Variants in DIS3L2 observed in about 807,000 individuals in gnomAD.
DIS3L2 encodes the protein DIS3 like 3'-5' exoribonuclease 2, also known as DIS3-like exonuclease 2.
Under a neutral mutation model 97.5 loss-of-function variants are expected in DIS3L2, and 34 were observed. The ratio of observed to expected loss-of-function variants is 0.35; its 90% CI spans 0.27 to 0.46. DIS3L2 has a LOEUF of 0.46. Among genes scored for constraint, DIS3L2 ranks in the 20% least tolerant of loss-of-function variants. DIS3L2 has a pLI of 1.00. For synonymous variants in DIS3L2, 435 were observed against 445.2 expected, an observed-to-expected ratio of 0.98 and a Z score of 0.29; for missense variants, 1,038 against 1,146.0, an observed-to-expected ratio of 0.91 and a Z score of 1.36.
At chr2:232,156,051 C>G (rs116600771) in intron 8 of DIS3L2, among the ~76,000 whole-genome samples, 7,461 of 151,982 alleles carry the variant, frequency 0.049, 612 homozygotes, top group African/African-American at 0.17. Flanking sequence ...TTCCTCATCT[C>G]TAGCTCTGTA....
At chr2:232,073,797 C>T (rs1330879130) in intron 5 of DIS3L2, among the ~76,000 whole-genome samples, 2 of 152,142 alleles carry the variant, frequency 1.3e-5, no homozygotes, top group Non-Finnish European at 2.9e-5. Context: ...GGAAGAAAAA[C>T]CTAATGCACA....
In DIS3L2 at chr2:232,269,905, A is replaced by G. The variant is rs1693939343; in HGVS notation, c.1659+6465A>G. 6.6e-6 allele frequency among the ~76,000 whole-genome samples: 1 copy of G among 152,190 alleles called. No homozygotes were observed. Among genetic ancestry groups the G allele is most frequent in the Non-Finnish European group, 1.5e-5 (1 of 68,040 alleles). On this transcript the variant is annotated intron_variant, in intron 13 of 20. Transcript: ENST00000325385. The surrounding 1 kb of genome is among the most constrained non-coding windows in gnomAD (Gnocchi z 4.5). Reference sequence around the variant, plus strand: ...CTCCCAAAAGTGAATAGAATAGAGGAAGTTTATAATCCAAGAGAGAAATGA... The same window carrying G: ...CTCCCAAAAGTGAATAGAATAGAGGGAGTTTATAATCCAAGAGAGAAATGA...
At chr2:232,188,187 A>C (rs2106192543) in intron 9 of DIS3L2, among the ~76,000 whole-genome samples, 1 of 152,336 alleles carries the variant, frequency 6.6e-6, no homozygotes, top group East Asian at 1.9e-4. Flanking sequence ...TCAACTGTTG[A>C]ATGTATAAAC....
rs4571043 is a variant in DIS3L2 at position 232,276,731 on chromosome 2, C to T, written c.1659+13291C>T. On this transcript the variant is annotated intron_variant, in intron 13 of 20. Transcript: ENST00000325385. This position sits in a 1 kb window ranked among gnomAD's most constrained non-coding sequence, Gnocchi z 4.4. ...GGTCAGACTGCCTGGGTTCTGATCC[C>T]GACTCCCTCACTTAGCTGTGTGACT... Among the ~76,000 whole-genome samples the T allele has an allele frequency of 0.077, 11,753 of 152,224 alleles. 918 individuals carry two copies. Among genetic ancestry groups the T allele is most frequent in the African/African-American group, 0.2 (8,243 of 41,492 alleles).
chr2:232,334,501 T>G lies in DIS3L2; in HGVS notation c.2289+2T>G. On this transcript the variant is annotated splice_donor_variant, in intron 18 of 20. Transcript: ENST00000325385. LOFTEE classifies it high-confidence loss of function. ...CTCTTCTTTGCTGTTCTGGTCAAGG[T>G]GAGCCCTCCAGCCTGGTGCCCCTCA... The G allele has an allele frequency of 3.7e-6, 6 of 1,613,712 alleles. No homozygotes were observed. The highest frequency in any genetic ancestry group is 5.1e-6 in the Non-Finnish European group (6 of 1,179,906).
At chr2:232,343,795 A>G in exon 14 of DIS3L2, 1 of 535,314 alleles carries the variant, frequency 1.9e-6, no homozygotes, top group East Asian at 3.2e-5. Flanking sequence ...GATGCCAGGA[A>G]AGCCAAGTAC....
At chr2:232,317,970 G>T (rs1006082739) in intron 14 of DIS3L2, among the ~76,000 whole-genome samples, 1 of 152,210 alleles carries the variant, frequency 6.6e-6, no homozygotes, top group Non-Finnish European at 1.5e-5. Flanking sequence ...GTCTGCCTAA[G>T]GTTACCCAGG....
At chr2:232,184,035 A>G (rs1434667508) in intron 9 of DIS3L2, among the ~76,000 whole-genome samples, 5 of 152,222 alleles carry the variant, frequency 3.3e-5, no homozygotes, top group Non-Finnish European at 7.3e-5. Context: ...AAACTTTGTA[A>G]GTAAAACTTT....
chr2:232,319,970 G>A (rs1317928361), intron 14 of DIS3L2, among the ~76,000 whole-genome samples: 1 of 152,220 alleles, frequency 6.6e-6, no homozygotes, highest in African/African-American at 2.4e-5. Flanking sequence ...GGAAAGGGCT[G>A]AAGTCTTCAC....
At chr2:232,273,712 C>T (rs1305440516) in intron 13 of DIS3L2, among the ~76,000 whole-genome samples, 1 of 152,126 alleles carries the variant, frequency 6.6e-6, no homozygotes, top group Non-Finnish European at 1.5e-5. Flanking sequence ...CAACTGTGTC[C>T]CCTTCAGGGG....
In DIS3L2 at chr2:232,028,395, C is replaced by T. The variant is rs77443845; in HGVS notation, c.265-1584C>T. ...AGTGTCTTTAAAGTAAGAGATTCAGCGACAGATCAGTCTTCTGAATGAATC... is the reference window on the plus strand; with the variant it reads ...AGTGTCTTTAAAGTAAGAGATTCAGTGACAGATCAGTCTTCTGAATGAATC... On this transcript the variant is annotated intron_variant, in intron 4 of 20. Coordinates refer to ENST00000325385, the MANE Select transcript of DIS3L2 (RefSeq NM_152383.5). 1.7e-4 allele frequency among the ~76,000 whole-genome samples: 26 copies of T among 152,180 alleles called. No individual in the cohort carries two copies. The East Asian group carries it at 2.7e-3, about 16-fold the overall frequency.
At chr2:232,330,272 TG>T (rs1695697348) in intron 15 of DIS3L2, among the ~76,000 whole-genome samples, 1 of 152,202 alleles carries the variant, frequency 6.6e-6, no homozygotes, top group African/African-American at 2.4e-5. Flanking sequence ...GGGCTGGTCT[TG>T]GGCCCAGAGG....
intron 1 of DIS3L2, among the ~76,000 whole-genome samples, chr2:231,963,803 C>T (rs1358784162): frequency 6.6e-6 from 1 of 152,138 alleles, no homozygotes; most frequent in Admixed American, 6.5e-5. Flanking sequence ...ACTGCAGCCT[C>T]GATTTCCCAG....
chr2:231,963,614 T>G (rs1275411442), intron 1 of DIS3L2, among the ~76,000 whole-genome samples: 2 of 152,232 alleles, frequency 1.3e-5, no homozygotes, highest in Non-Finnish European at 2.9e-5. Context: ...AACTTGTCAA[T>G]TTTTGTTTTT....
chr2:232,157,877 A>T (rs1690540466), intron 8 of DIS3L2, among the ~76,000 whole-genome samples: 1 of 152,146 alleles, frequency 6.6e-6, no homozygotes, highest in African/African-American at 2.4e-5. Context: ...AGCGATGGGG[A>T]CATACACGGG....
At chr2:232,272,870 G>A (rs982646385) in intron 13 of DIS3L2, among the ~76,000 whole-genome samples, 3 of 152,132 alleles carry the variant, frequency 2.0e-5, no homozygotes, top group African/African-American at 7.2e-5. Context: ...TCTGCTCTTG[G>A]TCAGAACAGC....
At chr2:232,289,193 C>A (rs1007213151) in intron 13 of DIS3L2, among the ~76,000 whole-genome samples, 1 of 151,886 alleles carries the variant, frequency 6.6e-6, no homozygotes, top group Non-Finnish European at 1.5e-5. Flanking sequence ...TTCAGTGTTA[C>A]AACAGTGGAC....
At chr2:232,056,743 C>G (rs534058275) in intron 5 of DIS3L2, among the ~76,000 whole-genome samples, 2 of 152,152 alleles carry the variant, frequency 1.3e-5, no homozygotes, top group South Asian at 4.1e-4. Flanking sequence ...CTTCACATCT[C>G]CCTGAAGGGC....
intron 1 of DIS3L2, among the ~76,000 whole-genome samples, chr2:231,996,329 T>C (rs1250546194): frequency 6.6e-6 from 1 of 152,226 alleles, no homozygotes; most frequent in African/African-American, 2.4e-5. Flanking sequence ...ATGTCTGTCA[T>C]AGAAACTGGA....
Sources: allele counts gnomAD v4.1 joint callset (sites outside exome capture counted in the v4.1 genomes callset), GRCh38; gene constraint gnomAD v4.1.1; non-coding constraint Gnocchi (gnomAD v3.1); transcripts MANE v1.5; gene names NCBI Gene and HGNC (gene_info 2026-07-23, HGNC 2026-07-21).